LRMDA: variants seen among roughly 807,000 people sequenced by gnomAD.
LRMDA encodes leucine-rich melanocyte differentiation-associated protein.
LRMDA carries 18 observed loss-of-function variants against 29.8 expected under a neutral mutation model. The observed-to-expected ratio is 0.60, with a 90% CI of 0.42 to 0.90. LRMDA has a LOEUF of 0.90. LRMDA is among the 40% of genes least tolerant of loss of function. The probability of loss-of-function intolerance (pLI) is 0.00; values close to 1 mark genes in which losing one functional copy is unlikely to be tolerated. For missense variants in LRMDA, 273 were observed against 273.9 expected, an observed-to-expected ratio of 1.00 and a Z score of 0.02; for synonymous variants, 125 against 109.4, an observed-to-expected ratio of 1.14 and a Z score of -0.89.
chr10:76,532,719 A>G (rs1843247796), intron 6 of LRMDA, among the ~76,000 whole-genome samples: 1 of 152,230 alleles, frequency 6.6e-6, no homozygotes, highest in East Asian at 1.9e-4. Flanking sequence ...TTTGGCAAAG[A>G]GGAGTCTTGT....
intron 5 of LRMDA, among the ~76,000 whole-genome samples, chr10:76,156,264 G>A (rs1419826254): frequency 1.3e-5 from 2 of 152,130 alleles, no homozygotes; most frequent in East Asian, 3.9e-4. Context: ...AAACCCTGGA[G>A]GACTTCTCTT....
chr10:76,030,650 G>T (rs960709155), intron 2 of LRMDA, among the ~76,000 whole-genome samples: 1 of 152,186 alleles, frequency 6.6e-6, no homozygotes, highest in African/African-American at 2.4e-5. Flanking sequence ...TTAGCTGGGC[G>T]TGGTGGCGGA....
chr10:76,081,652 G>A (rs1849051701), intron 5 of LRMDA, among the ~76,000 whole-genome samples: 1 of 152,038 alleles, frequency 6.6e-6, no homozygotes, highest in Admixed American at 6.5e-5. Flanking sequence ...CTATACAAGT[G>A]GTATTCTGCT....
In LRMDA at chr10:75,512,436, G is replaced by A. The variant is rs188531911; in HGVS notation, c.131+73942G>A. On this transcript the variant is annotated intron_variant, in intron 2 of 6. Transcript: ENST00000611255. ...CTTTGACCATTTTGCTCCAGGAAAA[G>A]CATTAGTAATTTATAAATAAAATAC... 6.0e-4 allele frequency among the ~76,000 whole-genome samples: 92 copies of A among 152,094 alleles called. No individual in the cohort carries two copies. The East Asian group carries it at 0.015, about 25-fold the overall frequency.
At chr10:75,503,540 A>T (rs1295012935) in intron 2 of LRMDA, among the ~76,000 whole-genome samples, 1 of 151,948 alleles carries the variant, frequency 6.6e-6, no homozygotes, top group Non-Finnish European at 1.5e-5. Flanking sequence ...CATTAGGCTA[A>T]TAAAATATTA....
chr10:75,807,585 A>G (rs1383456745), intron 2 of LRMDA, among the ~76,000 whole-genome samples: 1 of 152,244 alleles, frequency 6.6e-6, no homozygotes, highest in Non-Finnish European at 1.5e-5. Context: ...TGGAGAAAGG[A>G]GCTCCATCAC....
chr10:75,849,304 G>A (rs1844692290), intron 2 of LRMDA, among the ~76,000 whole-genome samples: 3 of 151,982 alleles, frequency 2.0e-5, no homozygotes. Context: ...CCTAACTGAT[G>A]CAGTTCTGTA....
chr10:75,594,536 A>T (rs1451152839), intron 2 of LRMDA, among the ~76,000 whole-genome samples: 2 of 152,226 alleles, frequency 1.3e-5, no homozygotes, highest in Non-Finnish European at 2.9e-5. Flanking sequence ...ATAAGGCATC[A>T]TATGGTTTGC....
At chr10:76,351,763 A>G (rs1307602349) in intron 6 of LRMDA, among the ~76,000 whole-genome samples, 12 of 151,938 alleles carry the variant, frequency 7.9e-5, no homozygotes, top group Admixed American at 6.5e-4. Context: ...GATTTTACAC[A>G]TAAGGACAAC....
At chr10:76,208,419 T>C (rs1296396724) in intron 5 of LRMDA, among the ~76,000 whole-genome samples, 1 of 152,154 alleles carries the variant, frequency 6.6e-6, no homozygotes, top group Admixed American at 6.5e-5. Flanking sequence ...TTTATGAGTA[T>C]TTTGGGATAA....
At chr10:76,264,804 T>G (rs1431151465) in intron 5 of LRMDA, among the ~76,000 whole-genome samples, 1 of 152,194 alleles carries the variant, frequency 6.6e-6, no homozygotes, top group African/African-American at 2.4e-5. Context: ...GAGATAAGAA[T>G]CATGCCCCAT....
intron 2 of LRMDA, among the ~76,000 whole-genome samples, chr10:76,024,059 A>G (rs1292958301): frequency 6.6e-6 from 1 of 152,160 alleles, no homozygotes; most frequent in Non-Finnish European, 1.5e-5. Context: ...CAAAACCAGG[A>G]CTTGAAAACA....
intron 6 of LRMDA, among the ~76,000 whole-genome samples, chr10:76,460,824 C>G (rs1027010298): frequency 1.3e-5 from 2 of 152,166 alleles, no homozygotes; most frequent in East Asian, 3.9e-4. Context: ...GAGCTACTTT[C>G]TCTCTCCTCT....
intron 2 of LRMDA, among the ~76,000 whole-genome samples, chr10:75,659,101 T>C (rs894383029): frequency 6.6e-5 from 10 of 152,236 alleles, no homozygotes; most frequent in African/African-American, 2.4e-4. Flanking sequence ...GAGGCCAGCC[T>C]GGGGAGACGC....
chr10:76,056,033 G>T (rs770631197), intron 4 of LRMDA, among the ~76,000 whole-genome samples: 1 of 152,238 alleles, frequency 6.6e-6, no homozygotes, highest in Non-Finnish European at 1.5e-5. Flanking sequence ...GATCCAGGAA[G>T]AATGAAGCAT....
chr10:75,598,203 C>G (rs1275805883), intron 2 of LRMDA, among the ~76,000 whole-genome samples: 1 of 152,148 alleles, frequency 6.6e-6, no homozygotes, highest in Non-Finnish European at 1.5e-5. Flanking sequence ...GCATCCTGTT[C>G]ATGTCACTTT....
intron 6 of LRMDA, among the ~76,000 whole-genome samples, chr10:76,502,127 C>T (rs1433890812): frequency 6.6e-6 from 1 of 151,970 alleles, no homozygotes; most frequent in African/African-American, 2.4e-5. Context: ...GTCCTTTTCC[C>T]ATTGCCTATT....
chr10:76,211,195 T>A (rs1384369299), intron 5 of LRMDA, among the ~76,000 whole-genome samples: 1 of 152,240 alleles, frequency 6.6e-6, no homozygotes, highest in African/African-American at 2.4e-5. Context: ...CCTATCAACA[T>A]CCTACAGTTC....
intron 6 of LRMDA, among the ~76,000 whole-genome samples, chr10:76,482,772 G>A (rs1842744279): frequency 3.3e-5 from 5 of 151,936 alleles, no homozygotes; most frequent in Admixed American, 3.3e-4. Flanking sequence ...GTTTTTTAAA[G>A]TGGTTGTACC....
Sources: gnomAD v4.1 joint callset for allele counts (sites outside exome capture counted in the v4.1 genomes callset) on GRCh38, gnomAD v4.1.1 for gene constraint, MANE v1.5 for transcripts, NCBI Gene and HGNC (gene_info 2026-07-23, HGNC 2026-07-21) for gene names.